Variants in UBN1 observed in about 807,000 individuals in gnomAD.
UBN1 encodes the protein ubinuclein 1, also known as ubinuclein-1.
Under a neutral mutation model 108.5 loss-of-function variants are expected in UBN1, and 17 were observed. The observed-to-expected ratio is 0.16, with a 90% CI of 0.11 to 0.24. The LOEUF (loss-of-function observed/expected upper bound fraction) is 0.24. UBN1 is among the 10% of genes least tolerant of loss of function. The pLI, the probability that UBN1 is intolerant of heterozygous loss-of-function variation, is 1.00. For synonymous variants in UBN1, 726 were observed against 564.2 expected, an observed-to-expected ratio of 1.29 and a Z score of -4.07; for missense variants, 1,595 against 1,394.4, an observed-to-expected ratio of 1.14 and a Z score of -2.29.
chr16:4,870,149 G>A, intron 8 of UBN1, 63 bp from the exon 9 acceptor site: 1 of 1,605,752 alleles, frequency 6.2e-7, no homozygotes, highest in Non-Finnish European at 8.5e-7. Context: ...CACGTACGGT[G>A]AGCTGATGAA....
intron 17 of UBN1, among the ~76,000 whole-genome samples, chr16:4,878,411 C>A (rs188139949): frequency 2.0e-5 from 3 of 152,168 alleles, no homozygotes; most frequent in Non-Finnish European, 4.4e-5. Flanking sequence ...CTGTGCTGCA[C>A]GTCTCCCAAG....
In UBN1 at chr16:4,868,822, C is replaced by T. The variant is rs1366514892; in HGVS notation, c.1111-11C>T. 6.2e-7 allele frequency: 1 copy of T among 1,613,376 alleles called. No homozygotes were observed. Among genetic ancestry groups the T allele is most frequent in the Non-Finnish European group, 8.5e-7 (1 of 1,179,636 alleles). ...GTGCACTAACGGCTGTTACTGTCTG[C>T]TGTGCACCAGGCTGCCAGAGCTGCT... On this transcript the variant is annotated splice_polypyrimidine_tract_variant and intron_variant, in intron 7 of 17. Coordinates refer to ENST00000262376, the MANE Select transcript of UBN1 (RefSeq NM_001079514.3).
rs2087924550 is a variant in UBN1, at chr16:4,877,201, G to C, written c.3265+90G>C. On this transcript the variant is annotated intron_variant, in intron 16 of 17. Transcript: ENST00000262376. The surrounding 1 kb of genome is among the most constrained non-coding windows in gnomAD (Gnocchi z 4.3). ...GTTGTGTACTCTGGTTCCTGTGTTT[G>C]AGTCTGGTGTGTGACTGTGGGGAAC... is the stretch of plus-strand genomic sequence containing the variant. 6.6e-7 allele frequency: 1 copy of C among 1,524,806 alleles called. No individual in the cohort carries two copies. The highest frequency in any genetic ancestry group is 1.8e-4 in the Middle Eastern group (1 of 5,570). The allele number at this position is 1,524,806 out of a possible 1,614,324, so 94.5% of individuals were successfully genotyped here.
rs1567883308 is a variant in UBN1 at position 4,852,993 on chromosome 16, A to G, written c.76A>G (p.Lys26Glu). 10 of 1,614,126 alleles carry G rather than the reference A, an allele frequency of 6.2e-6. No homozygotes were observed. Among genetic ancestry groups the G allele is most frequent in the Non-Finnish European group, 8.5e-6 (10 of 1,180,026 alleles). Reference protein sequence around the residue: ...LNPAFLKKSRKEEAGAGEQHQ... With the variant: ...LNPAFLKKSREEEAGAGEQHQ... Reference sequence around the variant, plus strand: ...TCCTGCGTTTTTGAAGAAGTCCCGGAAGGAGGAGGCTGGGGCAGGAGAACA... The same window carrying G: ...TCCTGCGTTTTTGAAGAAGTCCCGGGAGGAGGAGGCTGGGGCAGGAGAACA... The change falls in exon 2 of 18, where the codon AAG becomes GAG. Residue 26 changes from lysine (K) to glutamate (E), a missense_variant. This residue lies in a region of UBN1 where 181 missense variants were observed against 157.3 expected (regional missense o/e 1.15). Transcript: ENST00000262376.
intron 7 of UBN1, among the ~76,000 whole-genome samples, chr16:4,865,127 CT>C (rs1248345231): frequency 6.6e-6 from 1 of 152,058 alleles, no homozygotes; most frequent in Admixed American, 6.6e-5. Flanking sequence ...AAGAGTGTCT[CT>C]TTTTAGGGGT....
chr16:4,855,768 A>G (rs928618678), intron 2 of UBN1, among the ~76,000 whole-genome samples: 2 of 152,068 alleles, frequency 1.3e-5, no homozygotes, highest in Non-Finnish European at 2.9e-5. Flanking sequence ...AAAATACAAA[A>G]ATTAGCCGGG....
rs899389263 is a variant in UBN1, at chr16:4,882,065, T to G, written c.*1933T>G. 4 of 152,456 alleles carry G rather than the reference T, an allele frequency of 2.6e-5. No individual in the cohort carries two copies. Among genetic ancestry groups the G allele is most frequent in the African/African-American group, 9.7e-5 (4 of 41,386 alleles). 9.4% of individuals were successfully genotyped at this position (152,456 alleles called of 1,614,324 possible). On this transcript the variant is annotated 3_prime_UTR_variant, in exon 18 of 18. Transcript: ENST00000262376. ...TTGATGGGGAGTTTGAGATTTCTTT[T>G]CCTTGTTTATGCTTTATTTGTGGTA...
At chr16:4,858,699 T>A (rs771675120) in intron 4 of UBN1, 36 bp downstream of exon 4, 1 of 1,598,834 alleles carries the variant, frequency 6.3e-7, no homozygotes, top group Non-Finnish European at 8.6e-7. Flanking sequence ...TCAGACCCAC[T>A]GTACCTGTAG....
At chr16:4,878,225 C>A (rs1195634395) in intron 17 of UBN1, among the ~76,000 whole-genome samples, 1 of 152,144 alleles carries the variant, frequency 6.6e-6, no homozygotes, top group Non-Finnish European at 1.5e-5. Flanking sequence ...GGGTACGCCT[C>A]CTGGAATTCT....
chr16:4,858,162 A>G (rs2086897466), intron 3 of UBN1, 86 bp downstream of exon 3: 4 of 877,416 alleles, frequency 4.6e-6, no homozygotes, highest in South Asian at 1.4e-5. Flanking sequence ...TCATCATGTA[A>G]TAAACACTGA....
rs2086939356 is a variant in UBN1, at chr16:4,859,170, G to A, written c.567+11G>A. 13 of 1,608,914 alleles carry A rather than the reference G, an allele frequency of 8.1e-6. No individual in the cohort carries two copies. In the Middle Eastern group the frequency reaches 1.0e-3, roughly 123 times the overall value. On this transcript the variant is annotated intron_variant, in intron 5 of 17. Transcript: ENST00000262376. ...AAAAAATCTCCAAAGGTTAGAATGTGCTTGCTTTTGGATTTCAGAAATGCT... is the reference window on the plus strand; with the variant it reads ...AAAAAATCTCCAAAGGTTAGAATGTACTTGCTTTTGGATTTCAGAAATGCT...
At chr16:4,875,977 G>A (rs1336084859) in intron 15 of UBN1, among the ~76,000 whole-genome samples, 1 of 92,902 alleles carries the variant, frequency 1.1e-5, no homozygotes, top group East Asian at 3.1e-4. Context: ...TTTTTTTTTT[G>A]AGACGAAGTC....
chr16:4,857,869 A>G (rs1422510682), intron 2 of UBN1, 121 bp from the exon 3 acceptor site: 1 of 715,986 alleles, frequency 1.4e-6, no homozygotes, highest in East Asian at 2.5e-5. Flanking sequence ...CATGTTTTCT[A>G]CCTTGCCCTT....
rs1555512010 is a variant in UBN1 at position 4,859,171 on chromosome 16, C to G, written c.567+12C>G. The G allele has an allele frequency of 1.2e-6, 2 of 1,608,946 alleles. No individual in the cohort carries two copies. Among genetic ancestry groups the G allele is most frequent in the South Asian group, 1.1e-5 (1 of 90,372 alleles). ...AAAAATCTCCAAAGGTTAGAATGTG[C>G]TTGCTTTTGGATTTCAGAAATGCTT... is the stretch of plus-strand genomic sequence containing the variant. On this transcript the variant is annotated intron_variant, in intron 5 of 17. Transcript: ENST00000262376.
At position 4,878,733 on chromosome 16, in the gene UBN1, G is replaced by A. The variant is rs1303423415; in HGVS notation, c.3355+1259G>A. Among the ~76,000 whole-genome samples, 6 of 152,186 alleles carry A rather than the reference G, an allele frequency of 3.9e-5. 1 individual carries two copies. Among genetic ancestry groups the A allele is most frequent in the South Asian group, 4.1e-4 (2 of 4,828 alleles). ...TCAGAAAAGCAAAGTAATTGAGGCC[G>A]GACGCGGTGGCTATCACCTGTAATC... On this transcript the variant is annotated intron_variant, in intron 17 of 17. Transcript: ENST00000262376.
At chr16:4,858,533 C>A in intron 3 of UBN1, 35 bp from the exon 4 acceptor site, 2 of 1,594,520 alleles carry the variant, frequency 1.3e-6, no homozygotes, top group South Asian at 2.2e-5. Context: ...TGTGTTTATT[C>A]AAAAAGCATG....
chr16:4,873,135 A>G, intron 14 of UBN1, 62 bp downstream of exon 14: 2 of 1,606,882 alleles, frequency 1.2e-6, no homozygotes, highest in South Asian at 1.1e-5. Context: ...TATGCTCTGG[A>G]AACAGTCAAG....
At chr16:4,870,100 G>T in intron 8 of UBN1, 112 bp from the exon 9 acceptor site, 3 of 1,508,236 alleles carry the variant, frequency 2.0e-6, no homozygotes, top group Non-Finnish European at 2.7e-6. Context: ...TGACCAACAA[G>T]ACAGGGTTTG....
At position 4,880,512 on chromosome 16, in the gene UBN1, C is replaced by G; in HGVS notation, c.*380C>G. On this transcript the variant is annotated 3_prime_UTR_variant, in exon 18 of 18. Coordinates refer to ENST00000262376, the MANE Select transcript of UBN1 (RefSeq NM_001079514.3). Reference sequence around the variant, plus strand: ...CCCCTGGCATTTGGTCAGAGTACCTCAGAGCACCCCACTGCTCAGGGGCTC... The same window carrying G: ...CCCCTGGCATTTGGTCAGAGTACCTGAGAGCACCCCACTGCTCAGGGGCTC... The G allele has an allele frequency of 4.6e-6, 1 of 215,166 alleles. No homozygotes were observed. Among genetic ancestry groups the G allele is most frequent in the South Asian group, 8.5e-5 (1 of 11,746 alleles). 13.3% of individuals were successfully genotyped at this position (215,166 alleles called of 1,614,324 possible). A position where few individuals can be genotyped will look rare whatever the true frequency, so the allele number is the denominator to read the frequency against.
Sources: allele counts gnomAD v4.1 joint callset (sites outside exome capture counted in the v4.1 genomes callset), GRCh38; gene constraint gnomAD v4.1.1; regional missense constraint gnomAD v4.1.1; non-coding constraint Gnocchi (gnomAD v3.1); transcripts MANE v1.5; gene names NCBI Gene and HGNC (gene_info 2026-07-23, HGNC 2026-07-21).